Variants in PLEKHH2 observed in about 807,000 individuals in gnomAD.
PLEKHH2 encodes pleckstrin homology domain-containing family H member 2.
In PLEKHH2, 129 loss-of-function variants were observed where a neutral mutation model predicts 187.9. That is an observed-to-expected ratio of 0.69 (90% CI 0.59 to 0.79). The LOEUF (loss-of-function observed/expected upper bound fraction) is 0.79. PLEKHH2 is among the 30% of genes least tolerant of loss of function. The pLI is 0.00. For missense variants in PLEKHH2, 2,076 were observed against 1,751.2 expected (o/e 1.19, Z -3.31); for synonymous variants, 686 against 605.6 (o/e 1.13, Z -1.95).
chr2:43,758,615 TAA>T (rs1447558364), intron 26 of PLEKHH2, among the ~76,000 whole-genome samples: 1 of 152,212 alleles, frequency 6.6e-6, no homozygotes, highest in Non-Finnish European at 1.5e-5. Context: ...TAATTTACGC[TAA>T]GTTTTGATGG....
intron 19 of PLEKHH2, among the ~76,000 whole-genome samples, chr2:43,736,014 A>AT (rs1375453291): frequency 6.6e-6 from 1 of 152,120 alleles, no homozygotes; most frequent in Non-Finnish European, 1.5e-5. Context: ...ATGCCCCATT[A>AT]TTTTTTAAAT....
intron 3 of PLEKHH2, chr2:43,692,148 A>G (rs1301198856): frequency 6.3e-6 from 1 of 158,858 alleles, no homozygotes; most frequent in Non-Finnish European, 1.4e-5. Flanking sequence ...GTCTCACCTC[A>G]CCACTCACCT....
intron 20 of PLEKHH2, among the ~76,000 whole-genome samples, chr2:43,739,940 A>T (rs1197288449): frequency 2.0e-5 from 3 of 152,242 alleles, no homozygotes; most frequent in South Asian, 4.1e-4. Context: ...GTTATGCTTT[A>T]AAAAGTTAAT....
chr2:43,741,078 T>G (rs1455934803), intron 21 of PLEKHH2, 35 bp downstream of exon 21: 1 of 1,552,954 alleles, frequency 6.4e-7, no homozygotes, highest in Non-Finnish European at 8.9e-7. Flanking sequence ...ACTGTTTATG[T>G]GGCCTCTGAA....
At chr2:43,692,477 A>T (rs1668847304) in intron 3 of PLEKHH2, 37 bp from the exon 4 acceptor site, 2 of 1,498,052 alleles carry the variant, frequency 1.3e-6, no homozygotes, top group Non-Finnish European at 1.8e-6. Context: ...TAACCTGAGT[A>T]CACACACAAT....
At chr2:43,752,695 T>C (rs1672056004) in intron 24 of PLEKHH2, among the ~76,000 whole-genome samples, 1 of 152,166 alleles carries the variant, frequency 6.6e-6, no homozygotes, top group African/African-American at 2.4e-5. Flanking sequence ...ACCCACCCCA[T>C]TGTCACAGCA....
At chr2:43,709,669 C>T (rs1669847410) in intron 11 of PLEKHH2, among the ~76,000 whole-genome samples, 1 of 152,164 alleles carries the variant, frequency 6.6e-6, no homozygotes, top group African/African-American at 2.4e-5. Flanking sequence ...AACCCCATCT[C>T]TACTAAAGAT....
intron 6 of PLEKHH2, among the ~76,000 whole-genome samples, chr2:43,696,073 A>G (rs1288708141): frequency 2.0e-5 from 3 of 152,206 alleles, no homozygotes; most frequent in Non-Finnish European, 1.5e-5. Context: ...GAATCCAGTC[A>G]GTTAGGAGAA....
chr2:43,738,561 GT>G (rs60748869), intron 20 of PLEKHH2, 41 bp downstream of exon 20: 43 of 1,458,454 alleles, frequency 2.9e-5, no homozygotes, highest in South Asian at 5.6e-5. Flanking sequence ...AATTTAAAGT[GT>G]TTTTTTTTCT....
chr2:43,748,718 C>T (rs941058887), intron 24 of PLEKHH2, among the ~76,000 whole-genome samples: 1 of 151,954 alleles, frequency 6.6e-6, no homozygotes, highest in African/African-American at 2.4e-5. Flanking sequence ...GCTCCTGGAC[C>T]TGGCCTGCCA....
intron 15 of PLEKHH2, among the ~76,000 whole-genome samples, chr2:43,714,695 T>A (rs2104528148): frequency 6.6e-6 from 1 of 152,326 alleles, no homozygotes; most frequent in East Asian, 1.9e-4. Context: ...AATTCAGTTC[T>A]TTAAAAAACG....
chr2:43,754,950 G>A (rs1672158168), intron 25 of PLEKHH2, among the ~76,000 whole-genome samples: 1 of 136,342 alleles, frequency 7.3e-6, no homozygotes, highest in African/African-American at 2.8e-5. Flanking sequence ...TTGGCTCACT[G>A]TAACCCCCAC....
At chr2:43,753,550 G>A (rs547881186) in intron 24 of PLEKHH2, 69 bp from the exon 25 acceptor site, 2 of 1,292,234 alleles carry the variant, frequency 1.5e-6, no homozygotes, top group South Asian at 2.0e-5. Flanking sequence ...TCAGTCCTCT[G>A]GATTTATCTT....
chr2:43,761,474 T>C (rs1288087756), intron 27 of PLEKHH2, among the ~76,000 whole-genome samples: 1 of 147,106 alleles, frequency 6.8e-6, no homozygotes, highest in Admixed American at 6.8e-5. Flanking sequence ...GCAGTGGCAC[T>C]ATCTCAGCTC....
intron 23 of PLEKHH2, among the ~76,000 whole-genome samples, chr2:43,745,239 C>G (rs2104602897): frequency 6.6e-6 from 1 of 152,212 alleles, no homozygotes; most frequent in East Asian, 1.9e-4. Flanking sequence ...TCACTTGAAC[C>G]CAGGAGGCGG....
intron 2 of PLEKHH2, among the ~76,000 whole-genome samples, chr2:43,666,054 C>T (rs1434690085): frequency 6.0e-5 from 9 of 149,122 alleles, no homozygotes; most frequent in Admixed American, 2.0e-4. Flanking sequence ...TGGGCAATGG[C>T]GGGCTCCCCT....
Position 43,647,415 on chromosome 2 carries a change from G to C in PLEKHH2, c.123+2619G>C, listed in dbSNP as rs115951706. ...CCAGGCATTCTGTCTTTTTAAGCCT[G>C]AAGGCTTAGCTATCAGCCTATATGG... On this transcript the variant is annotated intron_variant, in intron 2 of 29. Coordinates refer to ENST00000282406, the MANE Select transcript of PLEKHH2 (RefSeq NM_172069.4). Among the ~76,000 whole-genome samples the C allele has an allele frequency of 8.4e-3, 1,285 of 152,278 alleles. 10 individuals are homozygous for C. The highest frequency in any genetic ancestry group is 0.022 in the South Asian group (104 of 4,828).
chr2:43,684,966 C>T (rs1027011010), intron 3 of PLEKHH2, among the ~76,000 whole-genome samples: 3 of 152,130 alleles, frequency 2.0e-5, no homozygotes, highest in African/African-American at 7.2e-5. Flanking sequence ...TTTTTCTTTA[C>T]AATTACTTCA....
chr2:43,761,485 A>G (rs1672427641), intron 27 of PLEKHH2, among the ~76,000 whole-genome samples: 1 of 143,140 alleles, frequency 7.0e-6, no homozygotes, highest in Non-Finnish European at 1.5e-5. Flanking sequence ...ATCTCAGCTC[A>G]CTGCAGCCTG....
Sources: gnomAD v4.1 joint callset for allele counts (sites outside exome capture counted in the v4.1 genomes callset) on GRCh38, gnomAD v4.1.1 for gene constraint, MANE v1.5 for transcripts, NCBI Gene and HGNC (gene_info 2026-07-23, HGNC 2026-07-21) for gene names.